VPS53: variants seen among roughly 807,000 people sequenced by gnomAD.
The protein encoded by VPS53 is vacuolar protein sorting-associated protein 53 homolog.
In VPS53, 70 loss-of-function variants were observed where a neutral mutation model predicts 107.0. The observed-to-expected ratio is 0.65, with a 90% confidence interval of 0.54 to 0.80. The LOEUF is 0.80. Ranked by LOEUF, VPS53 falls within the 30% of genes least tolerant of loss-of-function variation. The pLI is 0.00. For synonymous variants in VPS53, 409 were observed against 393.3 expected (o/e 1.04, Z -0.47); for missense variants, 917 against 1,049.4 (o/e 0.87, Z 1.74).
intron 16 of VPS53, 31 bp from the exon 17 acceptor site, chr17:551,981 CT>C: frequency 1.3e-6 from 2 of 1,546,230 alleles, no homozygotes; most frequent in Non-Finnish European, 1.8e-6. Context: ...TGTGGTCACC[CT>C]TTCAAACAAC....
chr17:648,432 TC>T (rs1970791215), intron 7 of VPS53, among the ~76,000 whole-genome samples: 1 of 152,052 alleles, frequency 6.6e-6, no homozygotes, highest in Non-Finnish European at 1.5e-5. Context: ...GCGCCTGTAG[TC>T]CCAGCTACTT....
At chr17:630,410 C>A (rs1427805889) in intron 8 of VPS53, among the ~76,000 whole-genome samples, 1 of 152,122 alleles carries the variant, frequency 6.6e-6, no homozygotes, top group Non-Finnish European at 1.5e-5. Context: ...CCCCACAATC[C>A]CTTTTCACTT....
At chr17:662,533 C>CA (rs1555575776) in intron 4 of VPS53, among the ~76,000 whole-genome samples, 2 of 151,724 alleles carry the variant, frequency 1.3e-5, no homozygotes, top group Non-Finnish European at 2.9e-5. Flanking sequence ...ACTAAAAATA[C>CA]AAAAAACTAG....
intron 13 of VPS53, among the ~76,000 whole-genome samples, chr17:578,429 C>T (rs1012079335): frequency 2.0e-5 from 3 of 151,190 alleles, no homozygotes; most frequent in Non-Finnish European, 4.4e-5. Flanking sequence ...GAACGTAATG[C>T]ATTCCCAGAC....
At chr17:698,190 T>C (rs759716049) in intron 3 of VPS53, among the ~76,000 whole-genome samples, 1 of 152,192 alleles carries the variant, frequency 6.6e-6, no homozygotes, top group Non-Finnish European at 1.5e-5. Context: ...CCTAGCACTT[T>C]GGGAGGCCAA....
intron 4 of VPS53, among the ~76,000 whole-genome samples, chr17:675,997 C>A (rs923653491): frequency 6.6e-6 from 1 of 152,040 alleles, no homozygotes; most frequent in Non-Finnish European, 1.5e-5. Context: ...CAATAATATA[C>A]GGAGGACGAC....
rs1039620878 is a variant in VPS53, at chr17:520,209, G to A, written c.2224-279C>T. Among the ~76,000 whole-genome samples, 4 of 152,120 alleles carry A rather than the reference G, an allele frequency of 2.6e-5. No homozygotes were observed. Among genetic ancestry groups the A allele is most frequent in the Non-Finnish European group, 5.9e-5 (4 of 68,030 alleles). Reference sequence around the variant, plus strand: ...AATTTGCTGAATCCTAAATACACCTGCGCTGCTGTTTGAAGTATGGGTTTC... The same window carrying A: ...AATTTGCTGAATCCTAAATACACCTACGCTGCTGTTTGAAGTATGGGTTTC... On this transcript the variant is annotated intron_variant, in intron 20 of 21. Transcript: ENST00000437048. The surrounding 1 kb of genome is among the most constrained non-coding windows in gnomAD (Gnocchi z 4.4).
intron 4 of VPS53, among the ~76,000 whole-genome samples, chr17:672,831 G>A (rs1209699930): frequency 2.6e-5 from 4 of 152,064 alleles, no homozygotes; most frequent in East Asian, 3.9e-4. Flanking sequence ...GAATGGCAGC[G>A]GCCGGGCGCA....
chr17:686,833 C>CA (rs1297494805), intron 4 of VPS53, among the ~76,000 whole-genome samples: 1 of 151,948 alleles, frequency 6.6e-6, no homozygotes, highest in Non-Finnish European at 1.5e-5. Flanking sequence ...CAACATTGTG[C>CA]AAAAAAGGTG....
At chr17:671,642 G>C (rs902652888) in intron 4 of VPS53, among the ~76,000 whole-genome samples, 1 of 151,758 alleles carries the variant, frequency 6.6e-6, no homozygotes, top group Non-Finnish European at 1.5e-5. Context: ...TCCTTTCACC[G>C]TGTTTCTACA....
chr17:641,378 C>G (rs899405860), intron 7 of VPS53, among the ~76,000 whole-genome samples: 1 of 152,226 alleles, frequency 6.6e-6, no homozygotes, highest in Non-Finnish European at 1.5e-5. Context: ...CTTTAAACTC[C>G]TTCCTCTTCT....
chr17:573,159 T>C (rs1324278388), intron 13 of VPS53, among the ~76,000 whole-genome samples: 2 of 152,226 alleles, frequency 1.3e-5, no homozygotes, highest in East Asian at 3.8e-4. Flanking sequence ...TGGGCAGATA[T>C]GGAGTCACCA....
intron 13 of VPS53, among the ~76,000 whole-genome samples, chr17:575,383 G>A (rs1397970367): frequency 6.6e-6 from 1 of 152,178 alleles, no homozygotes; most frequent in Non-Finnish European, 1.5e-5. Flanking sequence ...GGGGTGAAGT[G>A]CAATCAGACC....
chr17:567,717 A>G (rs1411657048), intron 13 of VPS53, among the ~76,000 whole-genome samples: 1 of 151,898 alleles, frequency 6.6e-6, no homozygotes, highest in Non-Finnish European at 1.5e-5. Flanking sequence ...TAAGATCCCT[A>G]TCTCTAAAAA....
At chr17:627,062 TG>T in intron 10 of VPS53, 111 bp downstream of exon 10, 1 of 1,371,776 alleles carries the variant, frequency 7.3e-7, no homozygotes, top group Non-Finnish European at 9.8e-7. Context: ...AGTCATCTGG[TG>T]GGGTCTGGAA....
At chr17:538,836 G>A (rs1276603939) in intron 17 of VPS53, 7 of 152,208 alleles carry the variant, frequency 4.6e-5, no homozygotes, top group Admixed American at 3.3e-4. Context: ...CTAATATGAA[G>A]TGACTTAACA....
intron 10 of VPS53, among the ~76,000 whole-genome samples, chr17:624,186 T>A (rs766471363): frequency 6.6e-6 from 1 of 152,154 alleles, no homozygotes; most frequent in African/African-American, 2.4e-5. Context: ...GCCTGTATCT[T>A]TGAACAGTTT....
chr17:545,724 TGAATAA>T (rs1338806669), intron 17 of VPS53, among the ~76,000 whole-genome samples: 4 of 152,204 alleles, frequency 2.6e-5, no homozygotes, highest in Admixed American at 2.0e-4. Flanking sequence ...GTTTCCAAAA[TGAATAA>T]GACACAGCCC....
At chr17:691,757 C>T (rs560848678) in intron 4 of VPS53, among the ~76,000 whole-genome samples, 7 of 152,342 alleles carry the variant, frequency 4.6e-5, no homozygotes, top group African/African-American at 1.7e-4. Flanking sequence ...TAGCAGCCAT[C>T]TCGGCTATTA....
Sources: gnomAD v4.1 joint callset for allele counts (sites outside exome capture counted in the v4.1 genomes callset) on GRCh38, gnomAD v4.1.1 for gene constraint, Gnocchi (gnomAD v3.1) non-coding constraint, MANE v1.5 for transcripts, NCBI Gene and HGNC (gene_info 2026-07-23, HGNC 2026-07-21) for gene names.